Variants in ALAS1 observed in about 807,000 individuals in gnomAD.
ALAS1 encodes 5'-aminolevulinate synthase 1, also known as 5-aminolevulinate synthase, non-specific, mitochondrial.
In ALAS1, 29 loss-of-function variants were observed where a neutral mutation model predicts 59.6. That is an observed-to-expected ratio of 0.49 (90% CI 0.36 to 0.66). The LOEUF is 0.66. Among genes scored for constraint, ALAS1 ranks in the 30% least tolerant of loss-of-function variants. The probability of loss-of-function intolerance (pLI) is 0.00; values close to 1 mark genes in which losing one functional copy is unlikely to be tolerated. For missense variants in ALAS1, 690 were observed against 807.5 expected (o/e 0.85, Z 1.76); for synonymous variants, 299 against 296.6 (o/e 1.01, Z -0.08).
chr3:52,205,120 G>A (rs1419368393), intron 6 of ALAS1, among the ~76,000 whole-genome samples: 1 of 152,192 alleles, frequency 6.6e-6, no homozygotes, highest in Non-Finnish European at 1.5e-5. Context: ...CCCTTAACTT[G>A]TGAGGGTTCA....
At position 52,214,015 on chromosome 3, in the gene ALAS1, C is replaced by T. The variant is rs1395791054; in HGVS notation, c.1763-5C>T. 2 of 1,596,082 alleles carry T rather than the reference C, an allele frequency of 1.3e-6. No homozygotes were observed. Among genetic ancestry groups the T allele is most frequent in the Non-Finnish European group, 1.7e-6 (2 of 1,165,146 alleles). On this transcript the variant is annotated splice_polypyrimidine_tract_variant and splice_region_variant and intron_variant, in intron 11 of 11. Transcript: ENST00000484952. ...CTTTAATATTTAAAAACTGTTTCTC[C>T]TCAGAGAATCTGCTAGTCACATGGA...
chr3:52,206,535 A>G (rs758864370), intron 7 of ALAS1, 37 bp from the exon 8 acceptor site: 3 of 1,593,758 alleles, frequency 1.9e-6, no homozygotes, highest in East Asian at 4.5e-5. Context: ...TTTGTCTTCG[A>G]TGCACATGGC....
chr3:52,209,938 C>T (rs1350834549), intron 9 of ALAS1, among the ~76,000 whole-genome samples: 2 of 152,132 alleles, frequency 1.3e-5, no homozygotes, highest in Non-Finnish European at 2.9e-5. Flanking sequence ...CCTCGGCCTC[C>T]CAAAGTTCTG....
chr3:52,208,039 G>A (rs1699329855), intron 8 of ALAS1, 44 bp from the exon 9 acceptor site: 2 of 1,472,232 alleles, frequency 1.4e-6, no homozygotes, highest in African/African-American at 1.4e-5. Flanking sequence ...AGAAATTTCT[G>A]AAGCGGCAAA....
chr3:52,202,127 A>G (rs780118671), intron 3 of ALAS1, among the ~76,000 whole-genome samples: 3 of 152,232 alleles, frequency 2.0e-5, no homozygotes, highest in Non-Finnish European at 4.4e-5. Flanking sequence ...AGGCAGGTGG[A>G]TAACCTGAGG....
At chr3:52,206,142 G>A in intron 7 of ALAS1, 119 bp downstream of exon 7, 1 of 983,968 alleles carries the variant, frequency 1.0e-6, no homozygotes, top group Non-Finnish European at 1.5e-6. Context: ...TCCTATCTGG[G>A]CATTTGTTCT....
Position 52,202,489 on chromosome 3 carries a change from T to C in ALAS1, c.200-18T>C, listed in dbSNP as rs758772160. On this transcript the variant is annotated intron_variant, in intron 3 of 11. Coordinates refer to ENST00000484952, the MANE Select transcript of ALAS1 (RefSeq NM_000688.6). ...GCAACCAGATCTGATGCTTCACTTT[T>C]TCCATTTCCTCCCTCAGAAGACAAA... 1.3e-6 allele frequency: 2 copies of C among 1,598,220 alleles called. No individual in the cohort carries two copies. Among genetic ancestry groups the C allele is most frequent in the South Asian group, 2.2e-5 (2 of 90,836 alleles).
intron 11 of ALAS1, among the ~76,000 whole-genome samples, chr3:52,213,389 A>G (rs928003298): frequency 9.9e-5 from 15 of 152,100 alleles, no homozygotes; most frequent in Admixed American, 2.0e-4. Flanking sequence ...TCTTCCCTAC[A>G]GGCCTGTGAA....
chr3:52,212,261 G>A lies in ALAS1; in HGVS notation c.1603G>A (p.Ala535Thr). The A allele has an allele frequency of 6.2e-7, 1 of 1,613,188 alleles. No individual in the cohort carries two copies. The change falls in exon 11 of 12, where the codon GCA becomes ACA. Residue 535 changes from alanine (A) to threonine (T), a missense_variant. Coordinates refer to ENST00000484952, the MANE Select transcript of ALAS1 (RefSeq NM_000688.6). ...CPSHIIPVRV[A>T]DAAKNTEVCD... ...CTTCTGCTCTCATTGAACTTAGGTT[G>A]CAGATGCTGCTAAAAACACAGAAGT...
intron 9 of ALAS1, among the ~76,000 whole-genome samples, chr3:52,209,442 C>T (rs1041604879): frequency 1.3e-5 from 2 of 152,086 alleles, no homozygotes; most frequent in South Asian, 2.1e-4. Context: ...CTCCTGACCA[C>T]GTGATCTGCC....
In ALAS1 at chr3:52,212,250, G is replaced by A; in HGVS notation, c.1600-8G>A. Reference sequence around the variant, plus strand: ...TGTGACCTTACCTTCTGCTCTCATTGAACTTAGGTTGCAGATGCTGCTAAA... The same window carrying A: ...TGTGACCTTACCTTCTGCTCTCATTAAACTTAGGTTGCAGATGCTGCTAAA... On this transcript the variant is annotated splice_region_variant and splice_polypyrimidine_tract_variant and intron_variant, in intron 10 of 11. Coordinates refer to ENST00000484952, the MANE Select transcript of ALAS1 (RefSeq NM_000688.6). The A allele has an allele frequency of 6.2e-7, 1 of 1,612,162 alleles. No individual in the cohort carries two copies. Among genetic ancestry groups the A allele is most frequent in the East Asian group, 2.2e-5 (1 of 44,848 alleles).
In ALAS1 at chr3:52,199,271, C is replaced by T. The variant is rs776164943; in HGVS notation, c.30C>T (p.Phe10=). 6.2e-7 allele frequency: 1 copy of T among 1,614,212 alleles called. No individual in the cohort carries two copies. The highest frequency in any genetic ancestry group is 8.5e-7 in the Non-Finnish European group (1 of 1,180,036). The change falls in exon 3 of 12, where the codon TTC becomes TTT. Residue 10 remains phenylalanine, a synonymous_variant. Coordinates refer to ENST00000484952, the MANE Select transcript of ALAS1 (RefSeq NM_000688.6). ...AGAGTGTTGTTCGCCGCTGCCCATT[C>T]TTATCCCGAGTCCCCCAGGCCTTTC... is the stretch of plus-strand genomic sequence containing the variant. MESVVRRCP[F]LSRVPQAFLQ...
intron 8 of ALAS1, among the ~76,000 whole-genome samples, chr3:52,207,521 G>A (rs1423915747): frequency 1.3e-5 from 2 of 151,748 alleles, no homozygotes; most frequent in Non-Finnish European, 2.9e-5. Context: ...GTACATGTGC[G>A]GGTTTATTAT....
intron 9 of ALAS1, 125 bp downstream of exon 9, chr3:52,208,372 C>A: frequency 9.2e-7 from 1 of 1,081,184 alleles, no homozygotes; most frequent in Non-Finnish European, 1.3e-6. Context: ...GCCACTCTTT[C>A]TTTTGGCCCA....
At position 52,198,764 on chromosome 3, in the gene ALAS1, AGGGGATGT is replaced by A; in HGVS notation, c.-111_-104del. On this transcript the variant is annotated 5_prime_UTR_variant, in exon 2 of 12. It removes an upstream start codon present in the reference 5' UTR. Coordinates refer to ENST00000484952, the MANE Select transcript of ALAS1 (RefSeq NM_000688.6). The stretch of plus-strand genomic sequence containing the variant: ...CCTGCTGGACCCCTTCCTCGGGTTT[AGGGGATGT>A]GGGGACCAGGAGAAAGTCAGGATCC... The A allele has an allele frequency of 6.5e-7, 1 of 1,529,622 alleles. No homozygotes were observed. The highest frequency in any genetic ancestry group is 8.8e-7 in the Non-Finnish European group (1 of 1,141,494). 94.8% of individuals were successfully genotyped at this position (1,529,622 alleles called of 1,614,324 possible). A position where few individuals can be genotyped will look rare whatever the true frequency, so the allele number is the denominator to read the frequency against.
Position 52,211,314 on chromosome 3 carries a change from C to G in ALAS1, c.1362C>G (p.Ile454Met), listed in dbSNP as rs758632913. The change falls in exon 10 of 12, where the codon ATC becomes ATG. Residue 454 changes from isoleucine to methionine, a missense_variant. By Grantham distance (10) the Ile-to-Met change is conservative. Coordinates refer to ENST00000484952, the MANE Select transcript of ALAS1 (RefSeq NM_000688.6). ...GKAFGCVGGY[I>M]ASTSSLIDTV... ...CCTTTGGTTGTGTTGGAGGGTACAT[C>G]GCCAGCACGAGTTCTCTGATTGACA... 1.2e-6 allele frequency: 2 copies of G among 1,614,160 alleles called. No individual in the cohort carries two copies. Among genetic ancestry groups the G allele is most frequent in the Non-Finnish European group, 1.7e-6 (2 of 1,180,040 alleles).
rs13064414 is a variant in ALAS1, at chr3:52,205,207, C to A, written c.800+292C>A. ...AAGTGAGTGTGCCTTTAACACCAGG[C>A]AGTCTTTCACAGAGACATCCTTGGT... On this transcript the variant is annotated intron_variant, in intron 6 of 11. Coordinates refer to ENST00000484952, the MANE Select transcript of ALAS1 (RefSeq NM_000688.6). Among the ~76,000 whole-genome samples, 428 of 152,276 alleles carry A rather than the reference C, an allele frequency of 2.8e-3. 2 individuals are homozygous for A. The highest frequency in any genetic ancestry group is 6.9e-3 in the Admixed American group (106 of 15,290).
At chr3:52,198,144 C>G (rs1442630880), upstream of ALAS1, 2 of 398,274 alleles carry the variant, frequency 5.0e-6, no homozygotes, top group Non-Finnish European at 8.9e-6. Context: ...ATTAAGGCGC[C>G]GGCGATCGCG....
At chr3:52,207,387 T>C (rs1699316805) in intron 8 of ALAS1, among the ~76,000 whole-genome samples, 1 of 151,742 alleles carries the variant, frequency 6.6e-6, no homozygotes, top group Admixed American at 6.6e-5. Context: ...CCGCCCACCT[T>C]GGCGTCCCAA....
Sources: allele counts gnomAD v4.1 joint callset (sites outside exome capture counted in the v4.1 genomes callset), GRCh38; gene constraint gnomAD v4.1.1; transcripts MANE v1.5; gene names NCBI Gene and HGNC (gene_info 2026-07-23, HGNC 2026-07-21).